Variants in GGTLC1 observed in about 807,000 individuals in gnomAD.
The protein encoded by GGTLC1 is gamma-glutamyltransferase light chain 1.
A neutral mutation model predicts 19.5 loss-of-function variants in GGTLC1; 14 were observed. That is an observed-to-expected ratio of 0.72 (90% CI 0.47 to 1.12). The LOEUF is 1.12. GGTLC1 is among the 50% of genes most tolerant of loss of function. GGTLC1 has a pLI of 0.00. For missense variants in GGTLC1, 304 were observed against 309.2 expected (o/e 0.98, Z 0.13); for synonymous variants, 110 against 124.2 (o/e 0.89, Z 0.76).
In GGTLC1 at chr20:23,985,212, G is replaced by A. The variant is rs1987797556; in HGVS notation, c.*4C>T. 1 of 1,612,048 alleles carries A rather than the reference G, an allele frequency of 6.2e-7. No individual in the cohort carries two copies. The highest frequency in any genetic ancestry group is 1.1e-5 in the South Asian group (1 of 90,990). ...TGCTTGTCAGCCTTGTCCGCCTGGA[G>A]CAATCAGTAGCCAGCAGGTTCCCCA... On this transcript the variant is annotated 3_prime_UTR_variant, in exon 6 of 6. Transcript: ENST00000335694.
intron 1 of GGTLC1, 150 bp from the exon 2 acceptor site, chr20:23,986,795 C>G (rs1987953522): frequency 7.0e-7 from 1 of 1,433,288 alleles, no homozygotes. Context: ...ACCAGTCTGA[C>G]TCCCTGTCTC....
At position 23,985,784 on chromosome 20, in the gene GGTLC1, G is replaced by A. The variant is rs773735331; in HGVS notation, c.418-4C>T. 3 of 1,611,928 alleles carry A rather than the reference G, an allele frequency of 1.9e-6. No individual in the cohort carries two copies. The African/African-American group carries it at 4.0e-5, about 22-fold the overall frequency. On this transcript the variant is annotated splice_region_variant and splice_polypyrimidine_tract_variant and intron_variant, in intron 4 of 5. Coordinates refer to ENST00000335694, the MANE Select transcript of GGTLC1 (RefSeq NM_178311.3). The stretch of plus-strand genomic sequence containing the variant: ...ACCAGAGGTTGTAGATGATGGCCTG[G>A]GGCATGGGAGTGTGATCAGCATGGC...
At chr20:23,987,710 C>G (rs961357395) in intron 1 of GGTLC1, among the ~76,000 whole-genome samples, 1 of 151,636 alleles carries the variant, frequency 6.6e-6, no homozygotes, top group Non-Finnish European at 1.5e-5. Context: ...GAGGATGGAC[C>G]CGAAGGCCGA....
At chr20:23,986,011 C>T in intron 3 of GGTLC1, 37 bp from the exon 4 acceptor site, 1 of 1,612,142 alleles carries the variant, frequency 6.2e-7, no homozygotes, top group South Asian at 1.1e-5. Flanking sequence ...TGCCCGTCAG[C>T]TGCCTGCCCA....
At chr20:23,988,102 T>C (rs1988052464) in intron 1 of GGTLC1, among the ~76,000 whole-genome samples, 1 of 129,746 alleles carries the variant, frequency 7.7e-6, no homozygotes, top group East Asian at 2.5e-4. Context: ...TGGAGTGCAG[T>C]GGCGTGATCT....
chr20:23,988,537 C>G lies in GGTLC1; in HGVS notation c.-35+72G>C, dbSNP rs73902518. 8,307 of 871,910 alleles carry G rather than the reference C, an allele frequency of 9.5e-3. 490 individuals carry two copies. In the African/African-American group the frequency reaches 0.13, roughly 14 times the overall value. 54.0% of individuals were successfully genotyped at this position (871,910 alleles called of 1,614,324 possible). ...CCGCGACCTTTGTGCCCGTGTCTCT[C>G]CTTCCAGTACCTATTGCATGACCCC... On this transcript the variant is annotated intron_variant, in intron 1 of 5. Coordinates refer to ENST00000335694, the MANE Select transcript of GGTLC1 (RefSeq NM_178311.3).
chr20:23,986,512 C>A lies in GGTLC1; in HGVS notation c.100G>T (p.Asp34Tyr), dbSNP rs768151671. Residue 34 changes from aspartate (D) to tyrosine (Y), a missense_variant, in exon 2 of 6, where the codon GAC (aspartate) becomes TAC (tyrosine). Transcript: ENST00000335694. ...YYKPEFYMPD[D>Y]GGTAHLSVVA... ...ACAGACAGGTGAGCAGTGCCCCCGT[C>A]ATCCGGCATGTAGAACTCGGGCTTG... 1.9e-6 allele frequency: 3 copies of A among 1,611,872 alleles called. No individual in the cohort carries two copies. In the South Asian group the frequency reaches 3.3e-5, roughly 18 times the overall value.
chr20:23,986,775 A>T (rs1657608330), intron 1 of GGTLC1, 130 bp from the exon 2 acceptor site: 12 of 1,408,850 alleles, frequency 8.5e-6, no homozygotes, highest in Non-Finnish European at 1.1e-5. Flanking sequence ...CAGGCCCAGG[A>T]CCTTGCATGA....
chr20:23,987,619 T>C (rs1429131251), intron 1 of GGTLC1, among the ~76,000 whole-genome samples: 1 of 151,808 alleles, frequency 6.6e-6, no homozygotes, highest in South Asian at 2.1e-4. Flanking sequence ...TGACATTGAG[T>C]GGCTGCTGGA....
Position 23,986,219 on chromosome 20 carries a change from G to A in GGTLC1, c.177-16C>T. The A allele has an allele frequency of 2.5e-6, 4 of 1,602,566 alleles. No individual in the cohort carries two copies. The highest frequency in any genetic ancestry group is 3.4e-6 in the Non-Finnish European group (4 of 1,174,784). On this transcript the variant is annotated splice_polypyrimidine_tract_variant and intron_variant, in intron 2 of 5. Coordinates refer to ENST00000335694, the MANE Select transcript of GGTLC1 (RefSeq NM_178311.3). ...GGAGCCAAAGCTATCGCCCAGCCAG[G>A]TCAGACAGTGCCCGACCTTGCCTGG... is the stretch of plus-strand genomic sequence containing the variant.
intron 5 of GGTLC1, 101 bp from the exon 6 acceptor site, chr20:23,985,463 G>C: frequency 6.2e-7 from 1 of 1,606,714 alleles, no homozygotes; most frequent in Non-Finnish European, 8.5e-7. Context: ...GCCATTTCAG[G>C]CCAGGTCATC....
chr20:23,988,141 C>T (rs1448630424), intron 1 of GGTLC1, among the ~76,000 whole-genome samples: 1 of 141,266 alleles, frequency 7.1e-6, no homozygotes, highest in Non-Finnish European at 1.5e-5. Context: ...TCCCCACCCC[C>T]GGGTTCAAGT....
At position 23,985,062 on chromosome 20, in the gene GGTLC1, A is replaced by G. The variant is rs569663137; in HGVS notation, c.*154T>C. The G allele has an allele frequency of 2.6e-4, 267 of 1,045,304 alleles. 1 individual carries two copies. In the African/African-American group the frequency reaches 3.5e-3, roughly 14 times the overall value. 64.8% of individuals were successfully genotyped at this position (1,045,304 alleles called of 1,614,324 possible). A position where few individuals can be genotyped will look rare whatever the true frequency, so the allele number is the denominator to read the frequency against. ...ACTGAGGCCCAGAGAGTGGGGAGACAGGCCAGGGAGGCCACCTGGAGCCTG... is the reference window on the plus strand; with the variant it reads ...ACTGAGGCCCAGAGAGTGGGGAGACGGGCCAGGGAGGCCACCTGGAGCCTG... On this transcript the variant is annotated 3_prime_UTR_variant, in exon 6 of 6. Transcript: ENST00000335694.
chr20:23,985,295 A>C lies in GGTLC1; in HGVS notation c.599T>G (p.Val200Gly). The stretch of plus-strand genomic sequence containing the variant: ...ACCAGCCATGCGGACGATGGCTTGC[A>C]CCACAGCAATGAAGGTGGACGTGAT... ...TQITSTFIAV[V>G]QAIVRMAGGW... The change falls in exon 6 of 6, where the codon GTG (valine) becomes GGG (glycine). Residue 200 changes from valine (V) to glycine (G), a missense_variant. Coordinates refer to ENST00000335694, the MANE Select transcript of GGTLC1 (RefSeq NM_178311.3). The C allele has an allele frequency of 1.9e-6, 3 of 1,611,990 alleles. No individual in the cohort carries two copies. Among genetic ancestry groups the C allele is most frequent in the African/African-American group, 2.7e-5 (2 of 74,956 alleles).
chr20:23,985,134 G>A lies in GGTLC1; in HGVS notation c.*82C>T. The A allele has an allele frequency of 6.3e-7, 1 of 1,592,784 alleles. No individual in the cohort carries two copies. The highest frequency in any genetic ancestry group is 1.1e-5 in the South Asian group (1 of 88,894). On this transcript the variant is annotated 3_prime_UTR_variant, in exon 6 of 6. Coordinates refer to ENST00000335694, the MANE Select transcript of GGTLC1 (RefSeq NM_178311.3). The stretch of plus-strand genomic sequence containing the variant: ...TGCTGCTCTGCTGCTCACAGGAGAA[G>A]CCTGTCCCCCAAAGTCCTCTTCCTC...
At chr20:23,987,403 T>A (rs1021534917) in intron 1 of GGTLC1, among the ~76,000 whole-genome samples, 1 of 151,962 alleles carries the variant, frequency 6.6e-6, no homozygotes, top group Admixed American at 6.6e-5. Flanking sequence ...CAAGAGATGA[T>A]GGCCTGGGTG....
At position 23,985,169 on chromosome 20, in the gene GGTLC1, A is replaced by C. The variant is rs1214646408; in HGVS notation, c.*47T>G. 6 of 1,611,506 alleles carry C rather than the reference A, an allele frequency of 3.7e-6. No homozygotes were observed. Among genetic ancestry groups the C allele is most frequent in the African/African-American group, 1.3e-5 (1 of 74,790 alleles). On this transcript the variant is annotated 3_prime_UTR_variant, in exon 6 of 6. Coordinates refer to ENST00000335694, the MANE Select transcript of GGTLC1 (RefSeq NM_178311.3). The stretch of plus-strand genomic sequence containing the variant: ...CAAAGTCCTCTTCCTCGTCCTGGTG[A>C]GTATTTTGTTCCTGGATTGCTTGTC...
At position 23,985,375 on chromosome 20, in the gene GGTLC1, G is replaced by A. The variant is rs1987816123; in HGVS notation, c.532-13C>T. On this transcript the variant is annotated splice_polypyrimidine_tract_variant and intron_variant, in intron 5 of 5. Coordinates refer to ENST00000335694, the MANE Select transcript of GGTLC1 (RefSeq NM_178311.3). Reference sequence around the variant, plus strand: ...CTGCAGTCACTTCCTGGGGGTGGGAGGAGAGGGGAAGCCTGAGCAGGGCTC... The same window carrying A: ...CTGCAGTCACTTCCTGGGGGTGGGAAGAGAGGGGAAGCCTGAGCAGGGCTC... The A allele has an allele frequency of 2.5e-6, 4 of 1,611,628 alleles. No homozygotes were observed. The East Asian group carries it at 8.9e-5, about 36-fold the overall frequency.
At chr20:23,987,238 A>T (rs77653961) in intron 1 of GGTLC1, among the ~76,000 whole-genome samples, 1 of 152,114 alleles carries the variant, frequency 6.6e-6, no homozygotes, top group African/African-American at 2.4e-5. Flanking sequence ...CCCACAGGAC[A>T]TCCTAGGTCC....
Sources: allele counts gnomAD v4.1 joint callset (sites outside exome capture counted in the v4.1 genomes callset), GRCh38; gene constraint gnomAD v4.1.1; transcripts MANE v1.5; gene names NCBI Gene and HGNC (gene_info 2026-07-23, HGNC 2026-07-21).